SYNE1: variants seen among roughly 807,000 people sequenced by gnomAD.
SYNE1 encodes nesprin-1.
In SYNE1, 616 loss-of-function variants were observed where a neutral mutation model predicts 1,111.0. The observed-to-expected ratio is 0.55, with a 90% CI of 0.52 to 0.59. The LOEUF is 0.59. Among genes scored for constraint, SYNE1 ranks in the 20% least tolerant of loss-of-function variants. The pLI is 0.00. For synonymous variants in SYNE1, 3,855 were observed against 3,825.8 expected (o/e 1.01, Z -0.28); for missense variants, 10,006 against 10,417.0 (o/e 0.96, Z 1.72).
chr6:152,214,241 T>C (rs75035851), intron 122 of SYNE1, among the ~76,000 whole-genome samples: 1,864 of 151,630 alleles, frequency 0.012, 40 homozygotes, highest in African/African-American at 0.04. Flanking sequence ...ATGTAGAAGT[T>C]TAAAATGTAC....
chr6:152,260,271 G>T (rs1288258599), intron 101 of SYNE1, among the ~76,000 whole-genome samples: 1 of 152,172 alleles, frequency 6.6e-6, no homozygotes, highest in Non-Finnish European at 1.5e-5. Flanking sequence ...AGAATATGAA[G>T]GGAGAGCTAG....
At chr6:152,138,985 T>C (rs2057765705) in intron 140 of SYNE1, among the ~76,000 whole-genome samples, 1 of 152,218 alleles carries the variant, frequency 6.6e-6, no homozygotes, top group Non-Finnish European at 1.5e-5. Context: ...ACCACTACTG[T>C]AATCAATTTC....
intron 69 of SYNE1, 77 bp from the exon 70 acceptor site, chr6:152,352,430 T>C: frequency 6.9e-7 from 1 of 1,454,340 alleles, no homozygotes; most frequent in South Asian, 1.2e-5. Flanking sequence ...TGAGATGGAG[T>C]TTCACTTTGT....
chr6:152,208,034 T>C lies in SYNE1; in HGVS notation c.22762A>G (p.Ser7588Gly), dbSNP rs754207630. The C allele has an allele frequency of 5.0e-6, 8 of 1,614,002 alleles. No individual in the cohort carries two copies. In the African/African-American group the frequency reaches 1.1e-4, roughly 22 times the overall value. ...GGTATAGGAACACTTCCGAGACCAC[T>C]CATGGGGAGGTAGGACACTTCAACC... Reference protein sequence around the residue: ...WLVEVSYLPMSGLGSVPIPLQ... With the variant: ...WLVEVSYLPMGGLGSVPIPLQ... Residue 7588 changes from serine (S) to glycine (G), a missense_variant, in exon 125 of 146, where the codon AGT (serine) becomes GGT (glycine). Physicochemically the swap from Ser to Gly is moderately conservative, Grantham distance 56. Transcript: ENST00000367255.
intron 95 of SYNE1, among the ~76,000 whole-genome samples, chr6:152,290,901 C>A (rs1315140010): frequency 6.6e-6 from 1 of 151,852 alleles, no homozygotes; most frequent in African/African-American, 2.4e-5. Context: ...TTCATGTGGG[C>A]AGCTGTGTTC....
chr6:152,577,516 G>C (rs953332678), intron 3 of SYNE1, among the ~76,000 whole-genome samples: 4 of 151,868 alleles, frequency 2.6e-5, no homozygotes, highest in Non-Finnish European at 4.4e-5. Context: ...GCCTGTAGTC[G>C]CAGCTACTCG....
At chr6:152,457,582 C>T (rs115791346) in intron 22 of SYNE1, among the ~76,000 whole-genome samples, 2,120 of 152,260 alleles carry the variant, frequency 0.014, 59 homozygotes, top group African/African-American at 0.047. Flanking sequence ...ATGATTATCA[C>T]ATCAAACACA....
intron 46 of SYNE1, among the ~76,000 whole-genome samples, chr6:152,401,844 G>A (rs564946690): frequency 1.3e-5 from 2 of 152,148 alleles, no homozygotes; most frequent in Non-Finnish European, 2.9e-5. Flanking sequence ...TAGCTGAGGA[G>A]GGTCGACTTC....
rs1250377184 is a variant in SYNE1, at chr6:152,232,122, T to G, written c.20856A>C (p.Lys6952Asn). 2 of 1,572,392 alleles carry G rather than the reference T, an allele frequency of 1.3e-6. No homozygotes were observed. Residue 6952 changes from lysine to asparagine, a missense_variant, in exon 113 of 146, where the codon AAA becomes AAC. By Grantham distance (94) the Lys-to-Asn change is moderately conservative (BLOSUM62 0). Around this residue, in one of 7 missense-constraint regions of SYNE1, gnomAD observed 2,182 missense variants for 2,287.8 expected, o/e 0.95. Transcript: ENST00000367255. Reference protein sequence around the residue: ...GYKAIHEYLQKYKGFKIDINC... With the variant: ...GYKAIHEYLQNYKGFKIDINC... ...AACAAAAAATTTTAATTACCTTATA[T>G]TTCTGAAGGTATTCATGAATTGCCT...
At chr6:152,241,255 G>A (rs926974430) in intron 107 of SYNE1, among the ~76,000 whole-genome samples, 1 of 152,020 alleles carries the variant, frequency 6.6e-6, no homozygotes, top group African/African-American at 2.4e-5. Context: ...CAAATGATAA[G>A]GTTTTAATAA....
At chr6:152,387,772 T>C (rs906051877) in intron 53 of SYNE1, among the ~76,000 whole-genome samples, 3 of 152,214 alleles carry the variant, frequency 2.0e-5, no homozygotes, top group African/African-American at 4.8e-5. Flanking sequence ...CAATAGTTTA[T>C]CTTATTAAAA....
intron 25 of SYNE1, chr6:152,453,383 T>A (rs2098667523): frequency 5.6e-6 from 4 of 717,276 alleles, no homozygotes; most frequent in African/African-American, 1.8e-5. Context: ...ATAAAATTGA[T>A]GCTGATAATA....
intron 3 of SYNE1, among the ~76,000 whole-genome samples, chr6:152,603,561 G>C (rs371399495): frequency 1.3e-5 from 2 of 151,962 alleles, no homozygotes; most frequent in African/African-American, 4.8e-5. Context: ...GGGTTAGGTA[G>C]TTCTGGGTTA....
chr6:152,522,078 AT>A (rs34971597), intron 5 of SYNE1, among the ~76,000 whole-genome samples: 3 of 151,444 alleles, frequency 2.0e-5, no homozygotes, highest in African/African-American at 7.3e-5. Flanking sequence ...TTCCTGTTCC[AT>A]TTTTTTTAAC....
chr6:152,386,310 T>A (rs1467566956), intron 54 of SYNE1, among the ~76,000 whole-genome samples: 1 of 152,164 alleles, frequency 6.6e-6, no homozygotes, highest in Non-Finnish European at 1.5e-5. Flanking sequence ...AATGGGTAAT[T>A]GTGGCCAGTC....
At chr6:152,125,061 T>C (rs1014753938) in intron 145 of SYNE1, among the ~76,000 whole-genome samples, 2 of 152,204 alleles carry the variant, frequency 1.3e-5, no homozygotes, top group Non-Finnish European at 2.9e-5. Context: ...GGCAGAAGAT[T>C]TCAACCCTGT....
At chr6:152,591,257 C>T (rs774617032) in intron 3 of SYNE1, among the ~76,000 whole-genome samples, 2 of 152,128 alleles carry the variant, frequency 1.3e-5, no homozygotes, top group Non-Finnish European at 2.9e-5. Context: ...CATCTTTAAA[C>T]TATACTATAC....
intron 144 of SYNE1, among the ~76,000 whole-genome samples, chr6:152,131,445 T>C (rs1408068115): frequency 6.6e-6 from 1 of 151,510 alleles, no homozygotes; most frequent in Non-Finnish European, 1.5e-5. Flanking sequence ...AAAAATGGAA[T>C]GAATATAATC....
chr6:152,406,172 T>C (rs2154161705), intron 45 of SYNE1, among the ~76,000 whole-genome samples: 1 of 152,276 alleles, frequency 6.6e-6, no homozygotes, highest in East Asian at 1.9e-4. Flanking sequence ...AATTGGTGAC[T>C]AGAACTTTAA....
Sources: gnomAD v4.1 joint callset for allele counts (sites outside exome capture counted in the v4.1 genomes callset) on GRCh38, gnomAD v4.1.1 for gene constraint, gnomAD v4.1.1 regional missense constraint, MANE v1.5 for transcripts, NCBI Gene and HGNC (gene_info 2026-07-23, HGNC 2026-07-21) for gene names.